Variants in IVD observed in about 807,000 individuals in gnomAD.
IVD encodes the protein isovaleryl-CoA dehydrogenase.
In IVD, 31 loss-of-function variants were observed where a neutral mutation model predicts 51.3. The ratio of observed to expected loss-of-function variants is 0.60; its 90% confidence interval spans 0.45 to 0.81. IVD has a LOEUF of 0.81. Ranked by LOEUF, IVD falls within the 40% of genes least tolerant of loss-of-function variation. IVD has a pLI of 0.00. For missense variants in IVD, 475 were observed against 552.0 expected (o/e 0.86, Z 1.40); for synonymous variants, 205 against 219.4 (o/e 0.93, Z 0.58).
At chr15:40,422,892 G>A (rs1892441044), downstream of IVD, among the ~76,000 whole-genome samples, 1 of 151,296 alleles carries the variant, frequency 6.6e-6, no homozygotes, top group African/African-American at 2.4e-5. Context: ...GAGCCACCAC[G>A]CCCAGCTAGG....
intron 5 of IVD, 86 bp from the exon 6 acceptor site, chr15:40,411,469 G>A (rs1186908363): frequency 1.6e-5 from 26 of 1,605,060 alleles, no homozygotes; most frequent in Non-Finnish European, 2.1e-5. Flanking sequence ...CTCAAAGGTG[G>A]ACAGCTTCTT....
Position 40,411,002 on chromosome 15 carries a change from C to T in IVD, c.456+205C>T, listed in dbSNP as rs76063119. 9.0e-3 allele frequency among the ~76,000 whole-genome samples: 1,369 copies of T among 152,270 alleles called. 20 individuals carry two copies. The highest frequency in any genetic ancestry group is 0.031 in the African/African-American group (1,308 of 41,550). On this transcript the variant is annotated intron_variant, in intron 4 of 11. Coordinates refer to ENST00000487418, the MANE Select transcript of IVD (RefSeq NM_002225.5). ...GGACCAGAACTCTTGCATTGAACAA[C>T]AGACAGACAACATTTGAAGAGAACT...
chr15:40,407,574 G>C (rs1890576281), intron 1 of IVD, 62 bp from the exon 2 acceptor site: 1 of 1,241,444 alleles, frequency 8.1e-7, no homozygotes, highest in East Asian at 2.3e-5. Flanking sequence ...CTTTTCTCTT[G>C]AATGTGTCTG....
rs995182252 is a variant in IVD at position 40,418,440 on chromosome 15, G to A, written c.*177G>A. The A allele has an allele frequency of 1.0e-5, 15 of 1,505,688 alleles. No individual in the cohort carries two copies. Among genetic ancestry groups the A allele is most frequent in the Middle Eastern group, 2.4e-4 (1 of 4,182 alleles). 93.3% of individuals were successfully genotyped at this position (1,505,688 alleles called of 1,614,324 possible). ...ACAGCTCCCAAGCATCATGGGCCTC[G>A]CAGCCGGGCCTGTGCCACGGCTAGT... On this transcript the variant is annotated 3_prime_UTR_variant, in exon 12 of 12. Coordinates refer to ENST00000487418, the MANE Select transcript of IVD (RefSeq NM_002225.5).
In IVD at chr15:40,421,137, T is replaced by C. The variant is rs1892262133; in HGVS notation, c.*2874T>C. 3.0e-6 allele frequency: 3 copies of C among 985,406 alleles called. No homozygotes were observed. Among genetic ancestry groups the C allele is most frequent in the Non-Finnish European group, 3.6e-6 (3 of 829,972 alleles). 61.0% of individuals were successfully genotyped at this position (985,406 alleles called of 1,614,324 possible). ...GATGAATGTGACTAAAAGGGCCATC[T>C]TGCTGGCTTAATGTGTGGCTGGAGA... On this transcript the variant is annotated 3_prime_UTR_variant, in exon 12 of 12. Transcript: ENST00000487418.
downstream of IVD, among the ~76,000 whole-genome samples, chr15:40,425,253 G>A (rs1189967020): frequency 6.6e-6 from 1 of 152,020 alleles, no homozygotes. Flanking sequence ...CCAACACGCA[G>A]GTCAATGAAG....
chr15:40,414,045 G>C (rs34870475), intron 7 of IVD, among the ~76,000 whole-genome samples: 4,566 of 152,170 alleles, frequency 0.03, 86 homozygotes, highest in Middle Eastern at 0.054. Flanking sequence ...AGTAGAGACA[G>C]ATGGGGTTTC....
At chr15:40,425,440 CTATA>C (rs72252183), downstream of IVD, among the ~76,000 whole-genome samples, 1,007 of 137,798 alleles carry the variant, frequency 7.3e-3, 13 homozygotes, top group East Asian at 0.034. Context: ...TGGACTCATA[CTATA>C]TATATATATA....
downstream of IVD, among the ~76,000 whole-genome samples, chr15:40,425,047 A>G (rs1202574081): frequency 6.6e-6 from 1 of 151,918 alleles, no homozygotes; most frequent in Non-Finnish European, 1.5e-5. Flanking sequence ...CCTCTGACCC[A>G]CTCAGAGACA....
intron 2 of IVD, 24 bp downstream of exon 2, chr15:40,407,749 C>A: frequency 6.2e-7 from 1 of 1,601,360 alleles, no homozygotes; most frequent in South Asian, 1.1e-5. Flanking sequence ...TCCGGGCAGT[C>A]GGGGGCAGTC....
Position 40,407,978 on chromosome 15 carries a change from A to G in IVD, c.274A>G (p.Ile92Val). 1.9e-6 allele frequency: 3 copies of G among 1,614,148 alleles called. No individual in the cohort carries two copies. Among genetic ancestry groups the G allele is most frequent in the Non-Finnish European group, 2.5e-6 (3 of 1,179,966 alleles). ...GCTGGGGAACCTGGGCGTATTGGGC[A>G]TCACAGCCCCTGGTGAGTATAGTGT... ...KQLGNLGVLG[I>V]TAPVQYGGSG... The change falls in exon 3 of 12, where the codon ATC becomes GTC. Residue 92 changes from isoleucine to valine, a missense_variant. Coordinates refer to ENST00000487418, the MANE Select transcript of IVD (RefSeq NM_002225.5).
At position 40,418,598 on chromosome 15, in the gene IVD, G is replaced by C. The variant is rs946970104; in HGVS notation, c.*335G>C. 4.4e-6 allele frequency: 4 copies of C among 912,644 alleles called. No homozygotes were observed. Among genetic ancestry groups the C allele is most frequent in the Non-Finnish European group, 5.6e-6 (4 of 717,644 alleles). 56.5% of individuals were successfully genotyped at this position (912,644 alleles called of 1,614,324 possible). On this transcript the variant is annotated 3_prime_UTR_variant, in exon 12 of 12. Transcript: ENST00000487418. ...CAGGGTAGGCACCTGGGGGCATGCA[G>C]GTGCCCACCTCCCAGGGTAGGCACC...
At chr15:40,407,878 C>T in intron 2 of IVD, 61 bp from the exon 3 acceptor site, 2 of 1,566,052 alleles carry the variant, frequency 1.3e-6, no homozygotes, top group Non-Finnish European at 1.8e-6. Flanking sequence ...TTGTTCCAGC[C>T]ACATGTGACT....
At chr15:40,415,070 G>A (rs553583235) in intron 8 of IVD, 88 bp downstream of exon 8, 42 of 1,471,802 alleles carry the variant, frequency 2.9e-5, no homozygotes, top group Admixed American at 1.5e-4. Context: ...TTCCCCTTGC[G>A]GGGCCAAAGG....
chr15:40,413,635 A>G (rs538598089), intron 7 of IVD, among the ~76,000 whole-genome samples: 1 of 151,752 alleles, frequency 6.6e-6, no homozygotes, highest in South Asian at 2.1e-4. Context: ...TGTACTAACC[A>G]GACCAGGGGC....
chr15:40,434,615 AG>A (rs980564517), intron 8 of IVD, among the ~76,000 whole-genome samples: 5 of 152,222 alleles, frequency 3.3e-5, no homozygotes, highest in African/African-American at 7.2e-5. Context: ...CATAGAGTTC[AG>A]GGCAGCAGGG....
chr15:40,408,931 C>T (rs895627256), intron 3 of IVD, among the ~76,000 whole-genome samples: 4 of 151,240 alleles, frequency 2.6e-5, no homozygotes, highest in Admixed American at 1.3e-4. Flanking sequence ...GCCTGGGCAA[C>T]GGAGCGAAAC....
chr15:40,424,230 C>T (rs542882424), downstream of IVD: 19 of 1,275,462 alleles, frequency 1.5e-5, no homozygotes, highest in East Asian at 5.6e-5. Context: ...AGATCTAAGG[C>T]TTGGCAAGGC....
At chr15:40,409,367 C>T (rs1344992424) in intron 3 of IVD, among the ~76,000 whole-genome samples, 1 of 151,704 alleles carries the variant, frequency 6.6e-6, no homozygotes, top group Non-Finnish European at 1.5e-5. Context: ...CACCATTGCA[C>T]CCCAGCCTGG....
Sources: gnomAD v4.1 joint callset for allele counts (sites outside exome capture counted in the v4.1 genomes callset) on GRCh38, gnomAD v4.1.1 for gene constraint, MANE v1.5 for transcripts, NCBI Gene and HGNC (gene_info 2026-07-23, HGNC 2026-07-21) for gene names.